Variants in NEK2 observed in about 807,000 individuals in gnomAD.
NEK2 encodes serine/threonine-protein kinase Nek2.
In NEK2, 28 loss-of-function variants were observed where a neutral mutation model predicts 54.1. The ratio of observed to expected loss-of-function variants is 0.52; its 90% CI spans 0.38 to 0.71. NEK2 has a LOEUF of 0.71. Among genes scored for constraint, NEK2 ranks in the 30% least tolerant of loss-of-function variants. The probability of loss-of-function intolerance (pLI) is 0.00; values close to 1 mark genes in which losing one functional copy is unlikely to be tolerated. For missense variants in NEK2, 407 were observed against 531.5 expected (o/e 0.77, Z 2.30); for synonymous variants, 176 against 193.1 (o/e 0.91, Z 0.73).
chr1:211,668,884 C>G (rs1198992076), intron 6 of NEK2, among the ~76,000 whole-genome samples: 1 of 151,974 alleles, frequency 6.6e-6, no homozygotes, highest in African/African-American at 2.4e-5. Flanking sequence ...AGTTAAGGCC[C>G]AATAATATAT....
intron 7 of NEK2, among the ~76,000 whole-genome samples, chr1:211,666,176 G>A (rs1184590905): frequency 6.6e-6 from 1 of 152,180 alleles, no homozygotes; most frequent in Non-Finnish European, 1.5e-5. Flanking sequence ...ATCTCAGTGC[G>A]GCAGAGTGAA....
intron 7 of NEK2, 158 bp downstream of exon 7, chr1:211,666,948 A>G: frequency 6.9e-7 from 1 of 1,444,868 alleles, no homozygotes; most frequent in Non-Finnish European, 9.1e-7. Context: ...GCTATAACAG[A>G]ATTTTGTTTC....
intron 4 of NEK2, among the ~76,000 whole-genome samples, 157 bp from the exon 5 acceptor site, chr1:211,670,564 C>T (rs1019005023): frequency 6.6e-6 from 1 of 152,190 alleles, no homozygotes; most frequent in Non-Finnish European, 1.5e-5. Context: ...GTTTCCCAAC[C>T]TTGGCACTAT....
chr1:211,664,269 A>G (rs1655107247), intron 7 of NEK2, among the ~76,000 whole-genome samples: 2 of 152,180 alleles, frequency 1.3e-5, no homozygotes, highest in African/African-American at 4.8e-5. Context: ...TATTTACTTA[A>G]AGTGGCAACA....
chr1:211,670,337 G>T lies in NEK2; in HGVS notation c.709C>A (p.Pro237Thr), dbSNP rs1437873919. 2.5e-6 allele frequency: 4 copies of T among 1,612,964 alleles called. No individual in the cohort carries two copies. Among genetic ancestry groups the T allele is most frequent in the Non-Finnish European group, 3.4e-6 (4 of 1,179,094 alleles). ...KIREGKFRRI[P>T]YRYSDELNEI... ...TTCAATTCATCAGAGTAACGGTATGGAATTCGCCTGAATTTGCCTTCTCTG... is the reference window on the plus strand; with the variant it reads ...TTCAATTCATCAGAGTAACGGTATGTAATTCGCCTGAATTTGCCTTCTCTG... Residue 237 changes from proline to threonine, a missense_variant, in exon 5 of 8, where the codon CCA (proline) becomes ACA (threonine). By Grantham distance (38) the Pro-to-Thr change is conservative. Coordinates refer to ENST00000366999, the MANE Select transcript of NEK2 (RefSeq NM_002497.4).
At chr1:211,666,307 A>G (rs1470733878) in intron 7 of NEK2, 3 of 156,404 alleles carry the variant, frequency 1.9e-5, no homozygotes, top group Non-Finnish European at 4.2e-5. Context: ...TTCAACAAAT[A>G]TGTCTTTCAA....
chr1:211,672,675 T>TTTGGGA (rs1655436415), intron 3 of NEK2, among the ~76,000 whole-genome samples: 1 of 150,262 alleles, frequency 6.7e-6, no homozygotes, highest in Admixed American at 6.6e-5. Flanking sequence ...ACTCGATGGA[T>TTTGGGA]TTGGGTTTGG....
chr1:211,673,387 C>G (rs966400916), intron 3 of NEK2, 96 bp downstream of exon 3: 55 of 1,492,528 alleles, frequency 3.7e-5, no homozygotes, highest in Admixed American at 1.1e-4. Context: ...GCACTCCAGC[C>G]TGGGCAACAG....
intron 3 of NEK2, among the ~76,000 whole-genome samples, chr1:211,672,733 C>G (rs1558230029): frequency 6.6e-6 from 1 of 151,972 alleles, no homozygotes; most frequent in African/African-American, 2.4e-5. Context: ...CCAAGTGAGT[C>G]TGATGCAGAT....
chr1:211,669,069 C>G lies in NEK2; in HGVS notation c.985+44G>C. 4 of 1,516,474 alleles carry G rather than the reference C, an allele frequency of 2.6e-6. No homozygotes were observed. In the South Asian group the frequency reaches 4.5e-5, roughly 17 times the overall value. The allele number at this position is 1,516,474 out of a possible 1,614,324, so 93.9% of individuals were successfully genotyped here. A position where few individuals can be genotyped will look rare whatever the true frequency, so the allele number is the denominator to read the frequency against. ...AGATATTCAGACACATCAAAATAACCCACTTGGTAGTTCTCCTTTGCTTTG... is the reference window on the plus strand; with the variant it reads ...AGATATTCAGACACATCAAAATAACGCACTTGGTAGTTCTCCTTTGCTTTG... On this transcript the variant is annotated intron_variant, in intron 6 of 7. Transcript: ENST00000366999.
At chr1:211,662,672 C>G (rs138365722), downstream of NEK2, 2 of 506,674 alleles carry the variant, frequency 3.9e-6, no homozygotes, top group African/African-American at 4.2e-5. This position sits in a 1 kb window ranked among gnomAD's most constrained non-coding sequence, Gnocchi z 4.2. Context: ...CTCCCTTGAG[C>G]ATCAGATCCA....
chr1:211,666,271 C>T (rs1655175089), intron 7 of NEK2, among the ~76,000 whole-genome samples: 1 of 152,112 alleles, frequency 6.6e-6, no homozygotes, highest in African/African-American at 2.4e-5. Flanking sequence ...ATGCAGAGAA[C>T]ATATGTAGAT....
At position 211,670,342 on chromosome 1, in the gene NEK2, C is replaced by T. The variant is rs372477595; in HGVS notation, c.704G>A (p.Arg235Gln). ...AGKIREGKFR[R>Q]IPYRYSDELN... ...TTCATCAGAGTAACGGTATGGAATTCGCCTGAATTTGCCTTCTCTGATTTT... is the reference window on the plus strand; with the variant it reads ...TTCATCAGAGTAACGGTATGGAATTTGCCTGAATTTGCCTTCTCTGATTTT... The change falls in exon 5 of 8, where the codon CGA becomes CAA. Residue 235 changes from arginine to glutamine, a missense_variant. Physicochemically the swap from Arg to Gln is conservative, Grantham distance 43 (BLOSUM62 1). Transcript: ENST00000366999. 1.1e-5 allele frequency: 17 copies of T among 1,612,920 alleles called. No homozygotes were observed. Among genetic ancestry groups the T allele is most frequent in the African/African-American group, 2.7e-5 (2 of 74,850 alleles).
At chr1:211,662,559 G>A (rs999576528), downstream of NEK2, among the ~76,000 whole-genome samples, 5 of 152,214 alleles carry the variant, frequency 3.3e-5, no homozygotes, top group South Asian at 2.1e-4. The surrounding 1 kb of genome is among the most constrained non-coding windows in gnomAD (Gnocchi z 4.2). Context: ...ATTGCCAAAC[G>A]TCTCTTGAGG....
At chr1:211,672,145 G>A (rs1328520548) in intron 3 of NEK2, among the ~76,000 whole-genome samples, 1 of 152,136 alleles carries the variant, frequency 6.6e-6, no homozygotes, top group Non-Finnish European at 1.5e-5. Context: ...GAAAATCCTA[G>A]AAAGGTGAAC....
chr1:211,662,654 G>A (rs1655049411), downstream of NEK2: 1 of 361,638 alleles, frequency 2.8e-6, no homozygotes, highest in Non-Finnish European at 3.8e-6. This position sits in a 1 kb window ranked among gnomAD's most constrained non-coding sequence, Gnocchi z 4.2. Flanking sequence ...TTTAGGACTG[G>A]AATGCCACTC....
chr1:211,668,899 A>G (rs1262581585), intron 6 of NEK2, among the ~76,000 whole-genome samples: 1 of 152,252 alleles, frequency 6.6e-6, no homozygotes, highest in Non-Finnish European at 1.5e-5. Flanking sequence ...ATATATAACT[A>G]GCAACTGATC....
intron 3 of NEK2, 107 bp downstream of exon 3, chr1:211,673,376 T>C: frequency 7.2e-7 from 1 of 1,385,634 alleles, no homozygotes; most frequent in South Asian, 1.3e-5. Context: ...ATCGCACCAC[T>C]GCACTCCAGC....
chr1:211,658,485 T>G (rs1232388372), downstream of NEK2, among the ~76,000 whole-genome samples: 2 of 151,424 alleles, frequency 1.3e-5, no homozygotes, highest in East Asian at 3.9e-4. Flanking sequence ...CAAGCCATAT[T>G]CATAAAGAAA....
Sources: allele counts gnomAD v4.1 joint callset (sites outside exome capture counted in the v4.1 genomes callset), GRCh38; gene constraint gnomAD v4.1.1; non-coding constraint Gnocchi (gnomAD v3.1); transcripts MANE v1.5; gene names NCBI Gene and HGNC (gene_info 2026-07-23, HGNC 2026-07-21).